PCP4: variants seen among roughly 807,000 people sequenced by gnomAD.
PCP4 encodes the protein calmodulin regulator protein PCP4.
PCP4 carries 8 observed loss-of-function variants against 10.0 expected under a neutral mutation model. The ratio of observed to expected loss-of-function variants is 0.80; its 90% CI spans 0.47 to 1.45. PCP4 has a LOEUF of 1.45. Among genes scored for constraint, PCP4 ranks in the 40% most tolerant of loss-of-function variants. The pLI is 0.00. For missense variants in PCP4, 54 were observed against 74.4 expected, an observed-to-expected ratio of 0.73 and a Z score of 1.01; for synonymous variants, 21 against 23.0, an observed-to-expected ratio of 0.91 and a Z score of 0.24.
intron 2 of PCP4, among the ~76,000 whole-genome samples, chr21:39,907,794 C>T (rs2087519915): frequency 7.1e-6 from 1 of 141,770 alleles, no homozygotes; most frequent in Admixed American, 7.1e-5. Context: ...GAGACTCTGT[C>T]TCAAAAAAAA....
At chr21:39,880,634 C>T (rs541879614) in intron 1 of PCP4, among the ~76,000 whole-genome samples, 3 of 152,322 alleles carry the variant, frequency 2.0e-5, no homozygotes, top group Non-Finnish European at 4.4e-5. Flanking sequence ...TTTTGTCCCA[C>T]GTCTTTTTCT....
Position 39,906,739 on chromosome 21 carries a change from A to G in PCP4, c.61+8212A>G, listed in dbSNP as rs1775899669. 6.6e-6 allele frequency among the ~76,000 whole-genome samples: 1 copy of G among 152,214 alleles called. No individual in the cohort carries two copies. Among genetic ancestry groups the G allele is most frequent in the Non-Finnish European group, 1.5e-5 (1 of 68,042 alleles). ...GAAAGCTTATACACCTTGGTGAAAA[A>G]GTAAAGTTATACATTATTCTCAATG... On this transcript the variant is annotated intron_variant, in intron 2 of 2. Coordinates refer to ENST00000328619, the MANE Select transcript of PCP4 (RefSeq NM_006198.3). This position sits in a 1 kb window ranked among gnomAD's most constrained non-coding sequence, Gnocchi z 6.3.
At chr21:39,891,486 G>A (rs890835206) in intron 1 of PCP4, among the ~76,000 whole-genome samples, 6 of 152,246 alleles carry the variant, frequency 3.9e-5, no homozygotes, top group African/African-American at 7.2e-5. Flanking sequence ...TGGTGGTGTA[G>A]GGTCCAGCCC....
chr21:39,894,388 C>T lies in PCP4; in HGVS notation c.10-4088C>T, dbSNP rs551854504. ...CAAAGAAGATATCTGCTGACAAATT[C>T]GCAGATATCTGAATGCATATTCATG... is the stretch of plus-strand genomic sequence containing the variant. On this transcript the variant is annotated intron_variant, in intron 1 of 2. Coordinates refer to ENST00000328619, the MANE Select transcript of PCP4 (RefSeq NM_006198.3). Among the ~76,000 whole-genome samples the T allele has an allele frequency of 2.8e-4, 42 of 152,284 alleles. 1 individual carries two copies. In the South Asian group the frequency reaches 7.9e-3, roughly 29 times the overall value.
intron 1 of PCP4, among the ~76,000 whole-genome samples, chr21:39,883,008 A>G (rs1015590968): frequency 6.6e-6 from 1 of 152,162 alleles, no homozygotes; most frequent in African/African-American, 2.4e-5. Context: ...TTTTTTTCTA[A>G]TCACAGCAGC....
At chr21:39,907,666 G>A (rs7276444) in intron 2 of PCP4, among the ~76,000 whole-genome samples, 9,775 of 152,044 alleles carry the variant, frequency 0.064, 391 homozygotes, top group South Asian at 0.16. Context: ...GCGTGGTGGC[G>A]GGCACCTGTA....
chr21:39,911,667 A>G (rs572853559), intron 2 of PCP4, among the ~76,000 whole-genome samples: 1 of 152,368 alleles, frequency 6.6e-6, no homozygotes, highest in African/African-American at 2.4e-5. Context: ...GGTGCTCCCC[A>G]GCCCCATGGC....
chr21:39,918,464 CTTGAT>C (rs1446612644), intron 2 of PCP4, among the ~76,000 whole-genome samples: 1 of 152,144 alleles, frequency 6.6e-6, no homozygotes, highest in Non-Finnish European at 1.5e-5. Flanking sequence ...TTAATGAGAA[CTTGAT>C]TTGAACAATC....
intron 1 of PCP4, among the ~76,000 whole-genome samples, chr21:39,889,326 T>G (rs1425317908): frequency 1.3e-5 from 2 of 151,722 alleles, no homozygotes; most frequent in Non-Finnish European, 2.9e-5. Flanking sequence ...GCCTCCTTAT[T>G]CCCTAACCCT....
intron 2 of PCP4, among the ~76,000 whole-genome samples, chr21:39,920,007 G>A (rs998484862): frequency 6.8e-6 from 1 of 146,960 alleles, no homozygotes; most frequent in Non-Finnish European, 1.5e-5. Context: ...TGTTTGATGT[G>A]TGATGTGTGT....
At chr21:39,912,676 C>T (rs1432051325) in intron 2 of PCP4, among the ~76,000 whole-genome samples, 3 of 151,994 alleles carry the variant, frequency 2.0e-5, no homozygotes, top group Non-Finnish European at 4.4e-5. Flanking sequence ...CGGGGTGATT[C>T]GGTGTCAGAA....
chr21:39,919,756 AT>A (rs1568861710), intron 2 of PCP4, among the ~76,000 whole-genome samples: 63 of 133,358 alleles, frequency 4.7e-4, no homozygotes, highest in African/African-American at 1.8e-3. Context: ...GTGGTGTGTA[AT>A]GTGTATTTGT....
intron 1 of PCP4, among the ~76,000 whole-genome samples, chr21:39,884,169 T>C (rs1020772057): frequency 3.9e-5 from 6 of 152,002 alleles, no homozygotes; most frequent in Non-Finnish European, 8.8e-5. Context: ...AGTTTTGACA[T>C]ATGCAGTCTT....
chr21:39,911,064 T>G (rs1047812796), intron 2 of PCP4, among the ~76,000 whole-genome samples: 6 of 152,142 alleles, frequency 3.9e-5, no homozygotes, highest in Non-Finnish European at 8.8e-5. Flanking sequence ...TGTAGGACAT[T>G]TGACTCCTTT....
At chr21:39,886,745 A>T (rs1396396140) in intron 1 of PCP4, among the ~76,000 whole-genome samples, 3 of 152,270 alleles carry the variant, frequency 2.0e-5, no homozygotes, top group Non-Finnish European at 1.5e-5. Context: ...GTCATTAAAT[A>T]GCAACTGTTC....
At chr21:39,907,399 A>G (rs1568858608) in intron 2 of PCP4, among the ~76,000 whole-genome samples, 1 of 152,324 alleles carries the variant, frequency 6.6e-6, no homozygotes. Context: ...CCAGAAAAGG[A>G]GAAACCAGAA....
At chr21:39,891,487 G>A (rs571660193) in intron 1 of PCP4, among the ~76,000 whole-genome samples, 6 of 152,342 alleles carry the variant, frequency 3.9e-5, no homozygotes, top group African/African-American at 1.2e-4. Flanking sequence ...GGTGGTGTAG[G>A]GTCCAGCCCT....
At chr21:39,867,815 T>G (rs774895960) in intron 1 of PCP4, among the ~76,000 whole-genome samples, 1 of 152,224 alleles carries the variant, frequency 6.6e-6, no homozygotes, top group Non-Finnish European at 1.5e-5. Context: ...TTTTATTCTC[T>G]TACGAAGATG....
chr21:39,878,836 C>G (rs941449502), intron 1 of PCP4, among the ~76,000 whole-genome samples: 1 of 152,104 alleles, frequency 6.6e-6, no homozygotes, highest in Non-Finnish European at 1.5e-5. Context: ...GGGCTCAACC[C>G]TGTATTTATA....
Sources: gnomAD v4.1 joint callset for allele counts (sites outside exome capture counted in the v4.1 genomes callset) on GRCh38, gnomAD v4.1.1 for gene constraint, Gnocchi (gnomAD v3.1) non-coding constraint, MANE v1.5 for transcripts, NCBI Gene and HGNC (gene_info 2026-07-23, HGNC 2026-07-21) for gene names.